MYO10: variants seen among roughly 807,000 people sequenced by gnomAD.
The protein encoded by MYO10 is unconventional myosin-X.
MYO10 carries 133 observed loss-of-function variants against 257.3 expected under a neutral mutation model. That is an observed-to-expected ratio of 0.52 (90% CI 0.45 to 0.60). The LOEUF is 0.60. MYO10 is among the 20% of genes least tolerant of loss of function. The pLI is 0.00. For missense variants in MYO10, 2,399 were observed against 2,635.7 expected, an observed-to-expected ratio of 0.91 and a Z score of 1.97; for synonymous variants, 1,104 against 1,028.6, an observed-to-expected ratio of 1.07 and a Z score of -1.40.
intron 1 of MYO10, among the ~76,000 whole-genome samples, chr5:16,914,205 T>C (rs1183604862): frequency 2.0e-5 from 3 of 152,100 alleles, no homozygotes; most frequent in African/African-American, 4.8e-5. Context: ...GACCAGGGTG[T>C]TTTATAGGAA....
intron 4 of MYO10, among the ~76,000 whole-genome samples, chr5:16,785,738 C>T (rs940000738): frequency 6.6e-6 from 1 of 151,964 alleles, no homozygotes; most frequent in Non-Finnish European, 1.5e-5. Flanking sequence ...GGCGTGGTGG[C>T]GCACGTCTGT....
chr5:16,916,000 T>A, intron 1 of MYO10: 3 of 454,972 alleles, frequency 6.6e-6, no homozygotes, highest in South Asian at 1.6e-5. Flanking sequence ...ACATTTCTTA[T>A]CCTGAATCTG....
In MYO10 at chr5:16,781,693, GAA is replaced by G. The variant is rs776199327; in HGVS notation, c.727+10_727+11del. On this transcript the variant is annotated intron_variant, in intron 6 of 40. Coordinates refer to ENST00000513610, the MANE Select transcript of MYO10 (RefSeq NM_012334.3). ...TCAATTACTATAGATAAAAATAAATGAAAGAGGATACAATCTACAATTCTCCC... is the reference window on the plus strand; with the variant it reads ...TCAATTACTATAGATAAAAATAAATGAGAGGATACAATCTACAATTCTCCC... The G allele has an allele frequency of 1.2e-6, 2 of 1,611,152 alleles. No individual in the cohort carries two copies. Among genetic ancestry groups the G allele is most frequent in the Non-Finnish European group, 1.7e-6 (2 of 1,178,278 alleles).
chr5:16,718,874 G>A (rs980360004), intron 19 of MYO10, among the ~76,000 whole-genome samples: 3 of 152,162 alleles, frequency 2.0e-5, no homozygotes, highest in Non-Finnish European at 4.4e-5. Context: ...CTAATCTGAT[G>A]GGGACGTGGA....
intron 2 of MYO10, among the ~76,000 whole-genome samples, chr5:16,832,879 G>C (rs967182341): frequency 6.6e-6 from 1 of 152,130 alleles, no homozygotes; most frequent in Non-Finnish European, 1.5e-5. Context: ...TTTGCTATCA[G>C]CTACCCAAGT....
chr5:16,708,721 C>G (rs920725531), intron 21 of MYO10, among the ~76,000 whole-genome samples: 4 of 152,144 alleles, frequency 2.6e-5, no homozygotes, highest in Non-Finnish European at 4.4e-5. Flanking sequence ...GCCACCACGC[C>G]TGGCTAATTT....
chr5:16,846,403 C>A (rs1671938712), intron 2 of MYO10, among the ~76,000 whole-genome samples: 1 of 152,168 alleles, frequency 6.6e-6, no homozygotes, highest in Non-Finnish European at 1.5e-5. Flanking sequence ...TGTTTTCTTC[C>A]TCCTTCCCAC....
chr5:16,668,201 G>A, intron 40 of MYO10, 76 bp downstream of exon 40: 3 of 1,424,666 alleles, frequency 2.1e-6, no homozygotes, highest in South Asian at 2.8e-5. Flanking sequence ...CTGGTCAAAG[G>A]CATGAGGAAA....
intron 1 of MYO10, among the ~76,000 whole-genome samples, chr5:16,893,648 A>AAAAAAAAAAAG (rs1554006833): frequency 6.8e-6 from 1 of 146,820 alleles, no homozygotes; most frequent in African/African-American, 2.6e-5. Flanking sequence ...AAAAAAAAAA[A>AAAAAAAAAAAG]AAAAGAAAAT....
At chr5:16,888,053 T>C (rs1470821798) in intron 1 of MYO10, among the ~76,000 whole-genome samples, 1 of 152,204 alleles carries the variant, frequency 6.6e-6, no homozygotes, top group East Asian at 1.9e-4. Context: ...TATTAGAAAG[T>C]GGACCTAAAG....
At chr5:16,804,794 A>C (rs987877105) in intron 3 of MYO10, among the ~76,000 whole-genome samples, 31 of 152,096 alleles carry the variant, frequency 2.0e-4, no homozygotes, top group African/African-American at 7.2e-4. Flanking sequence ...GCATGCCTGT[A>C]GTCCCAGCTA....
At chr5:16,741,751 A>G (rs922084184) in intron 19 of MYO10, 1 of 959,546 alleles carries the variant, frequency 1.0e-6, no homozygotes, top group Non-Finnish European at 1.2e-6. Context: ...TACCATCATC[A>G]TGGCAAGTTA....
chr5:16,741,015 T>G (rs1739999254), intron 19 of MYO10, among the ~76,000 whole-genome samples: 1 of 152,198 alleles, frequency 6.6e-6, no homozygotes, highest in Non-Finnish European at 1.5e-5. Context: ...TAAATGTAAC[T>G]CGATTTAATA....
chr5:16,919,408 T>C (rs768127565), intron 1 of MYO10, among the ~76,000 whole-genome samples: 6 of 151,992 alleles, frequency 3.9e-5, no homozygotes, highest in Non-Finnish European at 7.4e-5. Context: ...AACAAAAATC[T>C]ACCAGAACAA....
At chr5:16,856,123 A>C (rs1248891915) in intron 2 of MYO10, among the ~76,000 whole-genome samples, 1 of 152,214 alleles carries the variant, frequency 6.6e-6, no homozygotes, top group Non-Finnish European at 1.5e-5. Flanking sequence ...TTCATCTAGG[A>C]AACCCTCTGG....
chr5:16,877,250 A>C (rs1446197539), intron 2 of MYO10, among the ~76,000 whole-genome samples: 2 of 152,246 alleles, frequency 1.3e-5, no homozygotes, highest in African/African-American at 4.8e-5. Flanking sequence ...CAAGTTAATC[A>C]GTCAGCAAAT....
At chr5:16,697,147 CT>C (rs1561189149) in intron 26 of MYO10, among the ~76,000 whole-genome samples, 1 of 152,042 alleles carries the variant, frequency 6.6e-6, no homozygotes, top group Non-Finnish European at 1.5e-5. Flanking sequence ...TAAACCAAAC[CT>C]TCTAGGGGTT....
intron 19 of MYO10, among the ~76,000 whole-genome samples, chr5:16,729,523 C>T (rs1405665707): frequency 1.3e-5 from 2 of 150,540 alleles, no homozygotes; most frequent in Non-Finnish European, 2.9e-5. Context: ...GCGATCTTGG[C>T]TCACTGCAAG....
At position 16,926,808 on chromosome 5, in the gene MYO10, A is replaced by G. The variant is rs186781551; in HGVS notation, c.21+8980T>C. Reference sequence around the variant, plus strand: ...TTGTGACAATCTTGACTCTAACCACATAACAAGTGAGTTTGCTAAAATATG... The same window carrying G: ...TTGTGACAATCTTGACTCTAACCACGTAACAAGTGAGTTTGCTAAAATATG... On this transcript the variant is annotated intron_variant, in intron 1 of 40. Coordinates refer to ENST00000513610, the MANE Select transcript of MYO10 (RefSeq NM_012334.3). Among the ~76,000 whole-genome samples, 5 of 152,320 alleles carry G rather than the reference A, an allele frequency of 3.3e-5. No individual in the cohort carries two copies. In the East Asian group the frequency reaches 7.7e-4, roughly 23 times the overall value.
Sources: allele counts gnomAD v4.1 joint callset (sites outside exome capture counted in the v4.1 genomes callset), GRCh38; gene constraint gnomAD v4.1.1; transcripts MANE v1.5; gene names NCBI Gene and HGNC (gene_info 2026-07-23, HGNC 2026-07-21).